WRAP73: variants seen among roughly 807,000 people sequenced by gnomAD.
WRAP73 encodes WD repeat-containing protein WRAP73.
In WRAP73, 55 loss-of-function variants were observed where a neutral mutation model predicts 59.6. That is an observed-to-expected ratio of 0.92 (90% CI 0.74 to 1.15). WRAP73 has a LOEUF of 1.15. Ranked by LOEUF, WRAP73 falls within the 50% of genes most tolerant of loss-of-function variation. WRAP73 has a pLI of 0.00. For synonymous variants in WRAP73, 265 were observed against 258.2 expected (o/e 1.03, Z -0.25); for missense variants, 592 against 608.1 (o/e 0.97, Z 0.28).
rs370359858 is a variant in WRAP73 at position 3,646,761 on chromosome 1, C to T, written c.244G>A (p.Glu82Lys). 4.7e-5 allele frequency: 76 copies of T among 1,612,468 alleles called. No individual in the cohort carries two copies. Among genetic ancestry groups the T allele is most frequent in the East Asian group, 1.3e-4 (6 of 44,874 alleles). The change falls in exon 3 of 12, where the codon GAA becomes AAA. Residue 82 changes from glutamate (E) to lysine (K), a missense_variant. By Grantham distance (56) the Glu-to-Lys change is moderately conservative. Transcript: ENST00000270708. This position sits in a 1 kb window ranked among gnomAD's most constrained non-coding sequence, Gnocchi z 5.1. ...LVQVWSLEQP[E>K]WHCKIDEGSA... The stretch of plus-strand genomic sequence containing the variant: ...CCCTCGTCTATTTTGCAGTGCCATT[C>T]GGGCTGCTCTAAAGACCAGACCTGG...
rs762294495 is a variant in WRAP73 at position 3,631,047 on chromosome 1, G to C, written c.1311C>G (p.His437Gln). ...GDSMALLSKD[H>Q]FCLCFLETEA... ...CTGTCTCCAGGAAGCAGAGGCAGAA[G>C]TGATCCTTGCTGAGGAGGGCCATCG... is the stretch of plus-strand genomic sequence containing the variant. The change falls in exon 12 of 12, where the codon CAC becomes CAG. Residue 437 changes from histidine (H) to glutamine (Q), a missense_variant. His to Gln is a conservative substitution (Grantham distance 24, BLOSUM62 0). Transcript: ENST00000270708. 4.3e-6 allele frequency: 7 copies of C among 1,613,150 alleles called. No individual in the cohort carries two copies. In the African/African-American group the frequency reaches 5.3e-5, roughly 12 times the overall value.
chr1:3,633,347 G>C, intron 9 of WRAP73, 51 bp downstream of exon 9: 1 of 1,519,038 alleles, frequency 6.6e-7, no homozygotes, highest in Non-Finnish European at 9.1e-7. Context: ...TGGACAACGA[G>C]GAATCTTGCA....
chr1:3,637,823 G>A (rs1644602629), intron 4 of WRAP73, among the ~76,000 whole-genome samples: 1 of 152,110 alleles, frequency 6.6e-6, no homozygotes, highest in African/African-American at 2.4e-5. Context: ...GACAGAGCAA[G>A]ACCCTGTCTC....
chr1:3,633,174 T>C (rs1644555009), intron 9 of WRAP73: 1 of 524,576 alleles, frequency 1.9e-6, no homozygotes, highest in East Asian at 3.5e-5. Flanking sequence ...GATCCGGGTC[T>C]CCAGGGCTCA....
In WRAP73 at chr1:3,649,270, C is replaced by T. The variant is rs116270585; in HGVS notation, c.69+661G>A. Among the ~76,000 whole-genome samples, 844 of 152,300 alleles carry T rather than the reference C, an allele frequency of 5.5e-3. 6 individuals are homozygous for T. Among genetic ancestry groups the T allele is most frequent in the African/African-American group, 0.02 (817 of 41,546 alleles). On this transcript the variant is annotated intron_variant, in intron 1 of 11. Transcript: ENST00000270708. ...CTTCTGCCACCCATGGAACGAAGAC[C>T]TCAAATCCCAGCCATGAGGACAACT...
Position 3,637,026 on chromosome 1 carries a change from A to G in WRAP73, c.485T>C (p.Ile162Thr). The change falls in exon 5 of 12, where the codon ATC (isoleucine) becomes ACC (threonine). Residue 162 changes from isoleucine to threonine, a missense_variant. Transcript: ENST00000270708. Reference protein sequence around the residue: ...ERRDCKDYVSIFVCSDWQLLR... With the variant: ...ERRDCKDYVSTFVCSDWQLLR... ...GAGCTGCCAATCACTGCAGACGAAG[A>G]TGCTCACGTAATCTTTGCAGTCGCG... is the stretch of plus-strand genomic sequence containing the variant. 2 of 1,613,758 alleles carry G rather than the reference A, an allele frequency of 1.2e-6. No individual in the cohort carries two copies. The highest frequency in any genetic ancestry group is 1.7e-6 in the Non-Finnish European group (2 of 1,180,012).
At chr1:3,633,665 C>T (rs1278352952) in intron 8 of WRAP73, 162 bp from the exon 9 acceptor site, 4 of 598,210 alleles carry the variant, frequency 6.7e-6, no homozygotes, top group East Asian at 3.0e-5. Flanking sequence ...CCCGCAGTCC[C>T]GAGAGCTGAG....
In WRAP73 at chr1:3,632,243, G is replaced by A. The variant is rs1458686598; in HGVS notation, c.1018C>T (p.Pro340Ser). Residue 340 changes from proline (P) to serine (S), a missense_variant, in exon 10 of 12, where the codon CCT becomes TCT. Coordinates refer to ENST00000270708, the MANE Select transcript of WRAP73 (RefSeq NM_017818.4). The stretch of plus-strand genomic sequence containing the variant: ...CTTGTCGCCAGGAAGTAGCTGTCAG[G>A]ACTAAATGCCAGCATTCCTATGCCG... ...KIGIGMLAFSPDSYFLATRND... is the reference protein window; with the variant it reads ...KIGIGMLAFSSDSYFLATRND... The A allele has an allele frequency of 1.2e-6, 2 of 1,614,110 alleles. No individual in the cohort carries two copies. Among genetic ancestry groups the A allele is most frequent in the Non-Finnish European group, 1.7e-6 (2 of 1,179,994 alleles).
intron 4 of WRAP73, among the ~76,000 whole-genome samples, chr1:3,637,829 G>A (rs1644602698): frequency 6.6e-6 from 1 of 152,144 alleles, no homozygotes; most frequent in Non-Finnish European, 1.5e-5. Context: ...GCAAGACCCT[G>A]TCTCAAAAAA....
intron 3 of WRAP73, among the ~76,000 whole-genome samples, chr1:3,642,671 A>C (rs1644657177): frequency 6.8e-6 from 1 of 147,974 alleles, no homozygotes; most frequent in Non-Finnish European, 1.5e-5. Context: ...TGGGAGGCGT[A>C]GGTTGCGGTG....
At chr1:3,649,876 C>A in intron 1 of WRAP73, 55 bp downstream of exon 1, 2 of 1,543,658 alleles carry the variant, frequency 1.3e-6, no homozygotes, top group Non-Finnish European at 1.7e-6. Flanking sequence ...CCCTGCCCGC[C>A]GGGGACGCTG....
At chr1:3,636,858 G>C in intron 5 of WRAP73, 137 bp downstream of exon 5, 1 of 909,262 alleles carries the variant, frequency 1.1e-6, no homozygotes, top group Non-Finnish European at 1.7e-6. Flanking sequence ...GATTCGCAGC[G>C]CACCTGCCCT....
chr1:3,640,740 G>C (rs1227034027), intron 3 of WRAP73, among the ~76,000 whole-genome samples: 6 of 136,848 alleles, frequency 4.4e-5, no homozygotes, highest in African/African-American at 2.1e-4. Flanking sequence ...GGGCGGGGTG[G>C]AGCACCCAAG....
chr1:3,631,745 A>T, intron 10 of WRAP73, 88 bp from the exon 11 acceptor site: 4 of 1,495,872 alleles, frequency 2.7e-6, no homozygotes, highest in Non-Finnish European at 3.6e-6. Context: ...TTGACACCAC[A>T]GGAGGGGAGG....
intron 1 of WRAP73, among the ~76,000 whole-genome samples, chr1:3,648,780 T>TAAAAACA (rs1010282440): frequency 6.6e-6 from 1 of 152,166 alleles, no homozygotes; most frequent in African/African-American, 2.4e-5. Flanking sequence ...TCATAAATGG[T>TAAAAACA]AAAAACAAAA....
intron 4 of WRAP73, among the ~76,000 whole-genome samples, chr1:3,637,886 A>T (rs568719146): frequency 2.1e-4 from 32 of 152,352 alleles, no homozygotes; most frequent in Non-Finnish European, 2.9e-4. Flanking sequence ...TGAAAATGTT[A>T]AACTCTTATT....
intron 4 of WRAP73, among the ~76,000 whole-genome samples, chr1:3,637,858 T>A (rs1644602945): frequency 2.0e-5 from 3 of 152,080 alleles, no homozygotes; most frequent in Admixed American, 6.6e-5. Flanking sequence ...AAGATGAAAA[T>A]GTGGAAGAAA....
chr1:3,631,178 G>T, intron 11 of WRAP73, 61 bp from the exon 12 acceptor site: 1 of 1,604,348 alleles, frequency 6.2e-7, no homozygotes, highest in East Asian at 2.2e-5. Flanking sequence ...TGGGGGATGG[G>T]CACCCCCTTG....
intron 10 of WRAP73, chr1:3,631,883 GTAT>G (rs1557453123): frequency 8.1e-4 from 1,024 of 1,259,496 alleles, no homozygotes; most frequent in East Asian, 3.2e-3. Flanking sequence ...TCTTTCTTTG[GTAT>G]TTTTTTTTTT....
Sources: gnomAD v4.1 joint callset for allele counts (sites outside exome capture counted in the v4.1 genomes callset) on GRCh38, gnomAD v4.1.1 for gene constraint, Gnocchi (gnomAD v3.1) non-coding constraint, MANE v1.5 for transcripts, NCBI Gene and HGNC (gene_info 2026-07-23, HGNC 2026-07-21) for gene names.